Variants in DAPK2 observed in about 807,000 individuals in gnomAD.
The protein encoded by DAPK2 is death-associated protein kinase 2.
In DAPK2, 35 loss-of-function variants were observed where a neutral mutation model predicts 44.1. That is an observed-to-expected ratio of 0.79 (90% CI 0.61 to 1.05). DAPK2 has a LOEUF of 1.05. Ranked by LOEUF, DAPK2 falls within the 50% of genes least tolerant of loss-of-function variation. DAPK2 has a pLI of 0.00. For synonymous variants in DAPK2, 174 were observed against 182.6 expected, an observed-to-expected ratio of 0.95 and a Z score of 0.38; for missense variants, 453 against 483.2, an observed-to-expected ratio of 0.94 and a Z score of 0.59.
chr15:63,977,559 G>A (rs1166342631), intron 2 of DAPK2, among the ~76,000 whole-genome samples: 1 of 151,198 alleles, frequency 6.6e-6, no homozygotes, highest in Non-Finnish European at 1.5e-5. Flanking sequence ...TGTGAGGGTG[G>A]GAGTGAGAGG....
intron 1 of DAPK2, among the ~76,000 whole-genome samples, chr15:63,991,531 GT>G (rs1417761113): frequency 2.0e-5 from 3 of 152,184 alleles, no homozygotes; most frequent in Admixed American, 1.3e-4. Flanking sequence ...TTTCACCGAA[GT>G]CCAATATGTA....
At chr15:63,927,768 T>A (rs2079347399) in intron 6 of DAPK2, among the ~76,000 whole-genome samples, 1 of 148,092 alleles carries the variant, frequency 6.8e-6, no homozygotes, top group African/African-American at 2.5e-5. Flanking sequence ...TGAGACAGGG[T>A]CTTGCTCTGT....
chr15:63,987,122 T>C (rs1299960319), intron 1 of DAPK2, among the ~76,000 whole-genome samples: 1 of 152,122 alleles, frequency 6.6e-6, no homozygotes, highest in Non-Finnish European at 1.5e-5. Flanking sequence ...TTTCGGAGGA[T>C]AACAGGAGTG....
chr15:64,034,288 G>A (rs964924725), intron 1 of DAPK2, among the ~76,000 whole-genome samples: 1 of 152,154 alleles, frequency 6.6e-6, no homozygotes, highest in Non-Finnish European at 1.5e-5. Context: ...TCCTGGCTAA[G>A]CTGAATGTGC....
At chr15:63,929,767 G>A (rs748244698) in intron 5 of DAPK2, 190 bp from the exon 7 acceptor site, 9 of 718,476 alleles carry the variant, frequency 1.3e-5, no homozygotes, top group Admixed American at 6.1e-5. Flanking sequence ...TGGAGTCATC[G>A]AGCTCTGAAC....
rs543102180 is a variant in DAPK2 at position 63,966,774 on chromosome 15, C to A, written c.453+4649G>T. 2.0e-5 allele frequency among the ~76,000 whole-genome samples: 3 copies of A among 152,316 alleles called. No homozygotes were observed. The South Asian group carries it at 6.2e-4, about 32-fold the overall frequency. ...TCTCCCTCCCCCAAGTGCACAGGTT[C>A]TTTCTCCATGCAACATGGCTGCTGC... On this transcript the variant is annotated intron_variant, in intron 3 of 10. Transcript: ENST00000261891. The surrounding 1 kb of genome is among the most constrained non-coding windows in gnomAD (Gnocchi z 5.5).
rs34104782 is a variant in DAPK2, at chr15:63,925,943, G to A, written c.810C>T (p.Thr270=). 5,896 of 1,613,994 alleles carry A rather than the reference G, an allele frequency of 3.7e-3. 196 individuals are homozygous for A. In the African/African-American group the frequency reaches 0.069, roughly 19 times the overall value. The change falls in exon 7 of 11, where the codon ACC becomes ACT. Residue 270 remains threonine (T), a splice_region_variant and synonymous_variant. Coordinates refer to ENST00000261891, the Ensembl canonical transcript of DAPK2. ...CAGTGGCTTCTCTGTCCTCTTACCGGGTCTCTTTAACCAGAAGCTTCCGAA... is the reference window on the plus strand; with the variant it reads ...CAGTGGCTTCTCTGTCCTCTTACCGAGTCTCTTTAACCAGAAGCTTCCGAA...
In DAPK2 at chr15:64,013,258, G is replaced by A. The variant is rs2079436496; in HGVS notation, c.92+26912C>T. On this transcript the variant is annotated intron_variant, in intron 1 of 10. Coordinates refer to ENST00000261891, the Ensembl canonical transcript of DAPK2. The surrounding 1 kb of genome is among the most constrained non-coding windows in gnomAD (Gnocchi z 4.7). ...TTGTTCTGCATGGGATTATGGAAAT[G>A]GGGTAACCTGCCATTATCTTTATAC... Among the ~76,000 whole-genome samples, 1 of 152,210 alleles carries A rather than the reference G, an allele frequency of 6.6e-6. No individual in the cohort carries two copies. Among genetic ancestry groups the A allele is most frequent in the Admixed American group, 6.5e-5 (1 of 15,276 alleles).
intron 1 of DAPK2, among the ~76,000 whole-genome samples, chr15:64,016,321 A>G (rs963379460): frequency 3.2e-4 from 48 of 152,342 alleles, no homozygotes; most frequent in Non-Finnish European, 2.5e-4. Context: ...CTTAGAGTCC[A>G]TTATCACAGA....
At position 63,908,327 on chromosome 15, in the gene DAPK2, C is replaced by A; in HGVS notation, c.*193G>T. The stretch of plus-strand genomic sequence containing the variant: ...AGAGCTTTGGGAATGCTGGAGCCTC[C>A]TCCACAGAAGACAGCCACAGCTCCC... On this transcript the variant is annotated 3_prime_UTR_variant, in exon 11 of 11. Coordinates refer to ENST00000261891, the Ensembl canonical transcript of DAPK2. The surrounding 1 kb of genome is among the most constrained non-coding windows in gnomAD (Gnocchi z 5.7). 1 of 420,572 alleles carries A rather than the reference C, an allele frequency of 2.4e-6. No individual in the cohort carries two copies. Among genetic ancestry groups the A allele is most frequent in the Non-Finnish European group, 4.2e-6 (1 of 237,374 alleles). The allele number at this position is 420,572 out of a possible 1,614,324, so 26.1% of individuals were successfully genotyped here.
chr15:63,992,028 C>T (rs940520321), intron 1 of DAPK2, among the ~76,000 whole-genome samples: 9 of 152,162 alleles, frequency 5.9e-5, no homozygotes, highest in East Asian at 1.9e-4. Flanking sequence ...GTTGTTGTTG[C>T]GGGGTACAGG....
intron 3 of DAPK2, among the ~76,000 whole-genome samples, chr15:63,962,050 CT>C (rs1172314421): frequency 2.0e-5 from 3 of 152,134 alleles, no homozygotes; most frequent in Non-Finnish European, 4.4e-5. Context: ...TCTTTTTACT[CT>C]TTTTCCTCTA....
chr15:64,001,297 T>C (rs1270408551), intron 1 of DAPK2, among the ~76,000 whole-genome samples: 1 of 151,880 alleles, frequency 6.6e-6, no homozygotes, highest in East Asian at 1.9e-4. Flanking sequence ...CAATCTGCTG[T>C]CTCTAGATCA....
At chr15:64,026,257 T>A (rs2079843016) in intron 1 of DAPK2, among the ~76,000 whole-genome samples, 1 of 152,102 alleles carries the variant, frequency 6.6e-6, no homozygotes, top group Non-Finnish European at 1.5e-5. Flanking sequence ...TAATTAATTT[T>A]TTTTAAGGCA....
rs2079139385 is a variant in DAPK2 at position 63,923,284 on chromosome 15, G to A, written c.858+1532C>T. 2.0e-6 allele frequency: 3 copies of A among 1,535,806 alleles called. No individual in the cohort carries two copies. The highest frequency in any genetic ancestry group is 2.6e-6 in the Non-Finnish European group (3 of 1,146,744). ...TGAGAGTGTACTCTCTCAGGTGCTT[G>A]GTCTTCAGCTGGGTGGGCTCTGTCT... On this transcript the variant is annotated intron_variant, in intron 8 of 10. Transcript: ENST00000261891. The surrounding 1 kb of genome is among the most constrained non-coding windows in gnomAD (Gnocchi z 4.2).
At chr15:64,001,212 CAA>C (rs373745530) in intron 1 of DAPK2, among the ~76,000 whole-genome samples, 1 of 139,630 alleles carries the variant, frequency 7.2e-6, no homozygotes, top group Non-Finnish European at 1.5e-5. Context: ...CACTACCTGC[CAA>C]AAAAAAAAAA....
intron 1 of DAPK2, among the ~76,000 whole-genome samples, chr15:64,009,585 C>T (rs995449304): frequency 2.6e-5 from 4 of 152,100 alleles, no homozygotes; most frequent in African/African-American, 7.2e-5. Context: ...ACTAGGAGGT[C>T]GTCTGCCTAC....
At chr15:63,992,393 A>C (rs903064515) in intron 1 of DAPK2, among the ~76,000 whole-genome samples, 1 of 151,662 alleles carries the variant, frequency 6.6e-6, no homozygotes. Context: ...CCACCCATGC[A>C]TCCTCCTAAC....
chr15:64,002,081 T>C (rs1287752169), intron 1 of DAPK2, among the ~76,000 whole-genome samples: 1 of 152,202 alleles, frequency 6.6e-6, no homozygotes, highest in African/African-American at 2.4e-5. Flanking sequence ...TTTTACACTC[T>C]CAAATCCTTG....
Sources: allele counts gnomAD v4.1 joint callset (sites outside exome capture counted in the v4.1 genomes callset), GRCh38; gene constraint gnomAD v4.1.1; non-coding constraint Gnocchi (gnomAD v3.1); transcripts MANE v1.5; gene names NCBI Gene and HGNC (gene_info 2026-07-23, HGNC 2026-07-21).